OR2L13: variants seen among roughly 807,000 people sequenced by gnomAD.
OR2L13 encodes olfactory receptor 2L13.
Under a neutral mutation model 15.3 loss-of-function variants are expected in OR2L13, and 14 were observed. The ratio of observed to expected loss-of-function variants is 0.91; its 90% confidence interval spans 0.60 to 1.43. The LOEUF is 1.43. OR2L13 is among the 40% of genes most tolerant of loss of function. OR2L13 has a pLI of 0.00. For synonymous variants in OR2L13, 152 were observed against 142.9 expected (o/e 1.06, Z -0.45); for missense variants, 367 against 387.9 (o/e 0.95, Z 0.45).
chr1:248,023,415 C>T, the OR2L13 span: 2 of 152,186 alleles, frequency 1.3e-5, no homozygotes, highest in Non-Finnish European at 2.9e-5. Context: ...ACAACAATTT[C>T]TTTATAAAAG....
chr1:248,060,941 G>A, the OR2L13 span: 3 of 1,613,876 alleles, frequency 1.9e-6, no homozygotes, highest in Non-Finnish European at 2.5e-6. Flanking sequence ...TTTCTGTCTG[G>A]TAACAAGTCT....
chr1:247,945,302 T>C, the OR2L13 span, among the ~76,000 whole-genome samples: 201 of 152,290 alleles, frequency 1.3e-3, 1 homozygote, highest in African/African-American at 4.5e-3. Context: ...TCAATTTCCA[T>C]GTAGTTGTGT....
At chr1:248,042,367 AG>A in the OR2L13 span, 4 of 56,540 alleles carry the variant, frequency 7.1e-5, no homozygotes, top group African/African-American at 2.9e-4. Context: ...GGGTGGGGGG[AG>A]GGGGGAGGGA....
the OR2L13 span, among the ~76,000 whole-genome samples, chr1:247,978,709 A>T: frequency 6.6e-6 from 1 of 152,118 alleles, no homozygotes; most frequent in Non-Finnish European, 1.5e-5. Context: ...GAAATGTTCA[A>T]TTCCCACTTC....
the OR2L13 span, among the ~76,000 whole-genome samples, chr1:247,991,769 TC>T: frequency 4.0e-5 from 6 of 149,688 alleles, 1 homozygote; most frequent in African/African-American, 1.5e-4. Flanking sequence ...GCTCCTCTGC[TC>T]CACTATTTTT....
chr1:247,942,114 G>C, the OR2L13 span, among the ~76,000 whole-genome samples: 4 of 152,146 alleles, frequency 2.6e-5, no homozygotes, highest in Admixed American at 1.3e-4. Context: ...GCCCAGACTG[G>C]TCTCAAACTC....
chr1:247,994,786 G>A, the OR2L13 span, among the ~76,000 whole-genome samples: 2 of 152,172 alleles, frequency 1.3e-5, no homozygotes, highest in African/African-American at 4.8e-5. Context: ...GGAACATGCT[G>A]TATAAGTTGA....
At chr1:247,977,668 A>T in the OR2L13 span, among the ~76,000 whole-genome samples, 1 of 152,008 alleles carries the variant, frequency 6.6e-6, no homozygotes, top group Non-Finnish European at 1.5e-5. Flanking sequence ...ATGACTGCTT[A>T]CTGCTTAAAA....
the OR2L13 span, among the ~76,000 whole-genome samples, chr1:248,089,260 G>A: frequency 2.0e-5 from 3 of 152,142 alleles, no homozygotes; most frequent in Admixed American, 2.0e-4. Context: ...GGGAAGCTCC[G>A]GAAGGGTCCC....
the OR2L13 span, chr1:247,965,420 T>C: frequency 0.027 from 43,913 of 1,613,070 alleles, 698 homozygotes; most frequent in Middle Eastern, 0.046. Flanking sequence ...TTTCTACTTG[T>C]TGGTCTTTTC....
chr1:248,018,162 A>AC, the OR2L13 span, among the ~76,000 whole-genome samples: 1 of 150,250 alleles, frequency 6.7e-6, no homozygotes, highest in African/African-American at 2.5e-5. Flanking sequence ...CAAAAAAATA[A>AC]AAAAAAAAAT....
At chr1:248,003,531 G>T in the OR2L13 span, 18 of 1,612,212 alleles carry the variant, frequency 1.1e-5, no homozygotes, top group Non-Finnish European at 1.4e-5. Context: ...TATCTCATCC[G>T]CATGAGCAAA....
chr1:247,993,574 T>G, the OR2L13 span, among the ~76,000 whole-genome samples: 2 of 152,122 alleles, frequency 1.3e-5, no homozygotes, highest in African/African-American at 4.8e-5. Context: ...CCTCATTTAT[T>G]TATTTACATC....
chr1:248,045,799 G>C, the OR2L13 span: 1 of 152,236 alleles, frequency 6.6e-6, no homozygotes, highest in Non-Finnish European at 1.5e-5. Flanking sequence ...GCTGGTCGGA[G>C]TGTAGTGGTG....
chr1:248,024,714 T>G, the OR2L13 span, among the ~76,000 whole-genome samples: 1 of 152,184 alleles, frequency 6.6e-6, no homozygotes, highest in Non-Finnish European at 1.5e-5. Context: ...ATCAGATAGT[T>G]GTAGATATGT....
chr1:247,950,819 T>C, the OR2L13 span, among the ~76,000 whole-genome samples: 1 of 152,022 alleles, frequency 6.6e-6, no homozygotes, highest in Admixed American at 6.6e-5. Flanking sequence ...ATAGCACGAA[T>C]AAGAGCCAGT....
At chr1:248,017,315 G>A in the OR2L13 span, among the ~76,000 whole-genome samples, 94 of 152,312 alleles carry the variant, frequency 6.2e-4, no homozygotes, top group East Asian at 0.015. Flanking sequence ...TGAAACAGAT[G>A]TATAATGGCT....
the OR2L13 span, among the ~76,000 whole-genome samples, chr1:248,052,691 A>G: frequency 1.3e-5 from 2 of 152,252 alleles, no homozygotes; most frequent in South Asian, 4.1e-4. Flanking sequence ...AGATGGTGCC[A>G]CTGCACTCCA....
At chr1:247,968,507 C>G in the OR2L13 span, among the ~76,000 whole-genome samples, 4 of 149,758 alleles carry the variant, frequency 2.7e-5, no homozygotes, top group African/African-American at 9.9e-5. Context: ...CCCCCACCCC[C>G]CAACAGGCCC....
Sources: gnomAD v4.1 joint callset for allele counts (sites outside exome capture counted in the v4.1 genomes callset) on GRCh38, gnomAD v4.1.1 for gene constraint, MANE v1.5 for transcripts, NCBI Gene and HGNC (gene_info 2026-07-23, HGNC 2026-07-21) for gene names.